ZFP64: variants seen among roughly 807,000 people sequenced by gnomAD.
ZFP64 encodes the protein zinc finger protein 64.
Under a neutral mutation model 51.6 loss-of-function variants are expected in ZFP64, and 14 were observed. The observed-to-expected ratio is 0.27, with a 90% CI of 0.18 to 0.42. The LOEUF is 0.42. Ranked by LOEUF, ZFP64 falls within the 10% of genes least tolerant of loss-of-function variation. ZFP64 has a pLI of 1.00. For missense variants in ZFP64, 754 were observed against 906.8 expected, an observed-to-expected ratio of 0.83 and a Z score of 2.16; for synonymous variants, 375 against 361.4, an observed-to-expected ratio of 1.04 and a Z score of -0.43.
Position 52,088,633 on chromosome 20 carries a change from C to A in ZFP64, c.987G>T (p.Pro329=), listed in dbSNP as rs776477749. Reference sequence around the variant, plus strand: ...ACTTGTCACAGAACTCACACTTGTGCGGTTTGTCTCCTTCAAACACATAAG... The same window carrying A: ...ACTTGTCACAGAACTCACACTTGTGAGGTTTGTCTCCTTCAAACACATAAG... The change falls in exon 8 of 9, where the codon CCG becomes CCT. Residue 329 remains proline (P), a synonymous_variant. Transcript: ENST00000361387. 4 of 1,614,114 alleles carry A rather than the reference C, an allele frequency of 2.5e-6. No individual in the cohort carries two copies. The Admixed American group carries it at 6.7e-5, about 27-fold the overall frequency.
intron 5 of ZFP64, among the ~76,000 whole-genome samples, chr20:52,117,208 C>T (rs905450143): frequency 3.3e-5 from 5 of 152,172 alleles, no homozygotes; most frequent in African/African-American, 1.2e-4. Context: ...TCAGGTGATT[C>T]TTCTATAGTT....
intron 7 of ZFP64, chr20:52,097,285 T>C: frequency 6.8e-7 from 1 of 1,460,530 alleles, no homozygotes; most frequent in Middle Eastern, 1.8e-4. Context: ...AGGCAGAGAC[T>C]GTCCTGTTCA....
chr20:52,156,288 T>G lies in ZFP64; in HGVS notation c.764-2860A>C, dbSNP rs549961261. Among the ~76,000 whole-genome samples, 4 of 152,284 alleles carry G rather than the reference T, an allele frequency of 2.6e-5. No individual in the cohort carries two copies. In the East Asian group the frequency reaches 7.7e-4, roughly 29 times the overall value. On this transcript the variant is annotated intron_variant, in intron 5 of 5. Transcript: ENST00000216923. ...GTTAGGCATGTTCTCCCGTGATCCATGACAAAAGCCTCAACCATGTCGTTG... is the reference window on the plus strand; with the variant it reads ...GTTAGGCATGTTCTCCCGTGATCCAGGACAAAAGCCTCAACCATGTCGTTG...
chr20:52,123,568 C>T (rs1441451640), intron 5 of ZFP64, among the ~76,000 whole-genome samples: 1 of 152,136 alleles, frequency 6.6e-6, no homozygotes, highest in African/African-American at 2.4e-5. Flanking sequence ...CACTAGCATT[C>T]TTTAGCAATA....
chr20:52,148,564 G>A (rs752296710), downstream of ZFP64, among the ~76,000 whole-genome samples: 4 of 152,188 alleles, frequency 2.6e-5, no homozygotes, highest in Non-Finnish European at 5.9e-5. Context: ...AGCCAGGTGT[G>A]GTGGCACACG....
At position 52,165,973 on chromosome 20, in the gene ZFP64, C is replaced by T. The variant is rs369597418; in HGVS notation, c.339G>A (p.Thr113=). ...FEHGYQTYLP[T]ESNENQTATV... Reference sequence around the variant, plus strand: ...TGGCTGTCTGGTTTTCATTACTTTCCGTGGGCAGGTAAGTTTGATAGCCAT... The same window carrying T: ...TGGCTGTCTGGTTTTCATTACTTTCTGTGGGCAGGTAAGTTTGATAGCCAT... The change falls in exon 3 of 6, where the codon ACG becomes ACA. Residue 113 remains threonine, a synonymous_variant. Coordinates refer to ENST00000216923, the MANE Select transcript of ZFP64 (RefSeq NM_018197.3). 2.4e-5 allele frequency: 38 copies of T among 1,613,734 alleles called. No homozygotes were observed. The highest frequency in any genetic ancestry group is 4.0e-5 in the African/African-American group (3 of 74,866).
chr20:52,102,107 C>CCAAAAAAAAAAAAAAA (rs551838560), intron 5 of ZFP64, among the ~76,000 whole-genome samples: 38 of 63,420 alleles, frequency 6.0e-4, no homozygotes, highest in African/African-American at 2.6e-3. Context: ...ACTCCATCTC[C>CCAAAAAAAAAAAAAAA]AAAAAAAAAA....
chr20:52,141,175 C>T (rs966916416), intron 5 of ZFP64, among the ~76,000 whole-genome samples: 78 of 152,076 alleles, frequency 5.1e-4, no homozygotes, highest in African/African-American at 1.7e-3. Context: ...TACAAGGAGA[C>T]GAATGTTGTT....
chr20:52,171,133 G>C (rs987104113), intron 2 of ZFP64, among the ~76,000 whole-genome samples: 2 of 152,190 alleles, frequency 1.3e-5, no homozygotes, highest in Non-Finnish European at 2.9e-5. Flanking sequence ...CAGATGGTCG[G>C]CTTGCTGGCG....
chr20:52,138,148 A>C (rs1186346073), intron 5 of ZFP64, among the ~76,000 whole-genome samples: 6 of 152,262 alleles, frequency 3.9e-5, no homozygotes, highest in African/African-American at 1.4e-4. Context: ...TAAAGGCTGC[A>C]GTGAGCCAAG....
intron 4 of ZFP64, among the ~76,000 whole-genome samples, chr20:52,161,196 G>A (rs1226488497): frequency 6.6e-6 from 1 of 152,190 alleles, no homozygotes; most frequent in Non-Finnish European, 1.5e-5. Context: ...TTGAGCTGGT[G>A]TTTCAGTTTC....
downstream of ZFP64, among the ~76,000 whole-genome samples, chr20:52,149,924 AGGGGCCAGGTAC>A (rs1980706013): frequency 1.3e-5 from 2 of 152,280 alleles, no homozygotes; most frequent in South Asian, 4.2e-4. Context: ...AAAGATTGAT[AGGGGCCAGGTAC>A]GGTGGCTCAC....
intron 5 of ZFP64, among the ~76,000 whole-genome samples, chr20:52,142,923 T>G (rs1395082383): frequency 7.2e-6 from 1 of 139,572 alleles, no homozygotes; most frequent in African/African-American, 2.5e-5. Flanking sequence ...AAGAAATTAC[T>G]ACAGCTACCC....
intron 7 of ZFP64, among the ~76,000 whole-genome samples, chr20:52,094,498 C>T (rs772388008): frequency 1.3e-5 from 2 of 152,154 alleles, no homozygotes; most frequent in African/African-American, 2.4e-5. Flanking sequence ...GGGTGGCTCA[C>T]GCCTGTAATC....
intron 2 of ZFP64, among the ~76,000 whole-genome samples, chr20:52,171,582 C>T (rs575699163): frequency 1.7e-4 from 25 of 150,792 alleles, no homozygotes; most frequent in South Asian, 1.3e-3. Flanking sequence ...CTCCGCCTCC[C>T]GGGTTCAAGT....
rs897046923 is a variant in ZFP64, at chr20:52,160,685, T to C, written c.512-311A>G. 2.0e-5 allele frequency among the ~76,000 whole-genome samples: 3 copies of C among 152,242 alleles called. No homozygotes were observed. The highest frequency in any genetic ancestry group is 7.2e-5 in the African/African-American group (3 of 41,470). On this transcript the variant is annotated intron_variant, in intron 4 of 5. Coordinates refer to ENST00000216923, the MANE Select transcript of ZFP64 (RefSeq NM_018197.3). The surrounding 1 kb of genome is among the most constrained non-coding windows in gnomAD (Gnocchi z 4.2). ...GGTACGTAAAATAGTAACAGTTTTG[T>C]TAATTTTCCCTTGTATTCACTCTCT...
intron 5 of ZFP64, among the ~76,000 whole-genome samples, chr20:52,158,109 G>A (rs1189221063): frequency 1.3e-5 from 2 of 152,158 alleles, no homozygotes; most frequent in Admixed American, 6.5e-5. Context: ...TTGCTATTGT[G>A]AATACTGCTG....
Position 52,170,006 on chromosome 20 carries a change from T to A in ZFP64, c.287-3981A>T, listed in dbSNP as rs150496939. ...AGGCAGAGGTTACGGTGAGTCCAGA[T>A]CATGCCATTGCACTCCAGCCTGGGC... On this transcript the variant is annotated intron_variant, in intron 2 of 5. Transcript: ENST00000216923. 4.5e-3 allele frequency among the ~76,000 whole-genome samples: 674 copies of A among 150,932 alleles called. 10 individuals are homozygous for A. Among genetic ancestry groups the A allele is most frequent in the African/African-American group, 0.016 (638 of 40,952 alleles).
intron 2 of ZFP64, among the ~76,000 whole-genome samples, chr20:52,186,185 G>A (rs1983948672): frequency 6.6e-6 from 1 of 152,036 alleles, no homozygotes; most frequent in African/African-American, 2.4e-5. Flanking sequence ...CCATAAATGG[G>A]CTACTTCATA....
Sources: gnomAD v4.1 joint callset for allele counts (sites outside exome capture counted in the v4.1 genomes callset) on GRCh38, gnomAD v4.1.1 for gene constraint, Gnocchi (gnomAD v3.1) non-coding constraint, MANE v1.5 for transcripts, NCBI Gene and HGNC (gene_info 2026-07-23, HGNC 2026-07-21) for gene names.